The following DPYD variants were observed in gnomAD, a reference collection of about 807,000 sequenced individuals.
DPYD encodes the protein dihydropyrimidine dehydrogenase.
DPYD carries 109 observed loss-of-function variants against 116.2 expected under a neutral mutation model. That is an observed-to-expected ratio of 0.94 (90% confidence interval 0.80 to 1.10). DPYD has a LOEUF of 1.10. DPYD is among the 50% of genes least tolerant of loss of function. DPYD has a pLI of 0.00. For missense variants in DPYD, 1,302 were observed against 1,254.5 expected, an observed-to-expected ratio of 1.04 and a Z score of -0.57; for synonymous variants, 440 against 432.0, an observed-to-expected ratio of 1.02 and a Z score of -0.23.
At chr1:97,673,687 C>T (rs910622270) in intron 8 of DPYD, among the ~76,000 whole-genome samples, 1 of 151,876 alleles carries the variant, frequency 6.6e-6, no homozygotes, top group East Asian at 1.9e-4. Flanking sequence ...AGTAAAAAGT[C>T]CAGTCTGAAC....
intron 13 of DPYD, among the ~76,000 whole-genome samples, chr1:97,481,024 T>C (rs550715340): frequency 2.6e-4 from 40 of 152,146 alleles, no homozygotes; most frequent in African/African-American, 9.1e-4. Context: ...TGAAAGACAA[T>C]GTAATATGAA....
chr1:97,428,236 G>T (rs4350236), intron 14 of DPYD, among the ~76,000 whole-genome samples: 1,533 of 152,080 alleles, frequency 0.01, 19 homozygotes, highest in Non-Finnish European at 0.016. Context: ...GCCATGAAAG[G>T]CTCTAGTTCT....
intron 19 of DPYD, among the ~76,000 whole-genome samples, chr1:97,206,019 C>T (rs1195698220): frequency 6.6e-6 from 1 of 151,916 alleles, no homozygotes; most frequent in Non-Finnish European, 1.5e-5. Context: ...GCTCTGCTGT[C>T]CCACTGGACT....
Position 97,699,385 on chromosome 1 carries a change from T to C in DPYD, c.646A>G (p.Ile216Val), listed in dbSNP as rs778141885. ...CCAACATATTCTTGTTTTTCAAATA[T>C]AGTGATGTCAGAGTACCCCAATCGA... is the stretch of plus-strand genomic sequence containing the variant. ...LARLGYSDIT[I>V]FEKQEYVGGL... Residue 216 changes from isoleucine (I) to valine (V), a missense_variant, in exon 6 of 23, where the codon ATA (isoleucine) becomes GTA (valine). Coordinates refer to ENST00000370192, the MANE Select transcript of DPYD (RefSeq NM_000110.4). 4.3e-6 allele frequency: 7 copies of C among 1,613,600 alleles called. No individual in the cohort carries two copies. In the South Asian group the frequency reaches 4.4e-5, roughly 10 times the overall value.
At chr1:97,391,972 C>A (rs1349725808) in intron 14 of DPYD, among the ~76,000 whole-genome samples, 4 of 151,214 alleles carry the variant, frequency 2.6e-5, no homozygotes, top group African/African-American at 9.7e-5. Context: ...AAAATTGATA[C>A]AAAAAAAATA....
At chr1:97,229,802 G>T (rs1200636846) in intron 19 of DPYD, among the ~76,000 whole-genome samples, 3 of 151,758 alleles carry the variant, frequency 2.0e-5, no homozygotes, top group Non-Finnish European at 4.4e-5. Flanking sequence ...AAACCTATGT[G>T]TGAAACTTTA....
intron 3 of DPYD, among the ~76,000 whole-genome samples, chr1:97,744,085 C>T (rs1199054841): frequency 6.6e-6 from 1 of 151,690 alleles, no homozygotes; most frequent in Non-Finnish European, 1.5e-5. Context: ...AATACTTAAT[C>T]AATGTTAATT....
At chr1:97,574,662 G>A (rs1164779265) in intron 10 of DPYD, among the ~76,000 whole-genome samples, 1 of 151,928 alleles carries the variant, frequency 6.6e-6, no homozygotes, top group Admixed American at 6.6e-5. Context: ...TATGCATAAT[G>A]GAATGTTCAT....
chr1:97,348,094 A>T (rs1669950514), intron 16 of DPYD, among the ~76,000 whole-genome samples: 1 of 152,144 alleles, frequency 6.6e-6, no homozygotes, highest in African/African-American at 2.4e-5. Flanking sequence ...TGTCACAATT[A>T]AGGTTTTTGA....
intron 20 of DPYD, among the ~76,000 whole-genome samples, chr1:97,142,108 T>C (rs926591633): frequency 3.3e-5 from 5 of 152,170 alleles, no homozygotes; most frequent in African/African-American, 9.7e-5. Context: ...TTTATCCCCA[T>C]AGAATGCAGA....
At chr1:97,153,963 T>C (rs533192058) in intron 20 of DPYD, among the ~76,000 whole-genome samples, 1 of 130,098 alleles carries the variant, frequency 7.7e-6, no homozygotes, top group East Asian at 2.7e-4. Context: ...CCTGCAAGAA[T>C]GGCCATGATC....
At chr1:97,623,956 C>T (rs1418308289) in intron 8 of DPYD, among the ~76,000 whole-genome samples, 1 of 151,790 alleles carries the variant, frequency 6.6e-6, no homozygotes, top group African/African-American at 2.4e-5. Context: ...TTTGACCTTG[C>T]ACCATATAAA....
intron 3 of DPYD, among the ~76,000 whole-genome samples, chr1:97,794,929 T>G (rs1348005980): frequency 6.6e-6 from 1 of 152,190 alleles, no homozygotes; most frequent in Non-Finnish European, 1.5e-5. Flanking sequence ...TGTTAGTGAT[T>G]AGAATATATT....
rs1337727746 is a variant in DPYD, at chr1:97,218,009, C to G, written c.2442+16843G>C. The stretch of plus-strand genomic sequence containing the variant: ...GGTTTATAGAGGTTAAATAATTAGC[C>G]CAAATTTATCCAGCTAGTAAATGTT... On this transcript the variant is annotated intron_variant, in intron 19 of 22. Coordinates refer to ENST00000370192, the MANE Select transcript of DPYD (RefSeq NM_000110.4). Among the ~76,000 whole-genome samples, 4 of 151,996 alleles carry G rather than the reference C, an allele frequency of 2.6e-5. 1 individual carries two copies. The East Asian group carries it at 7.7e-4, about 29-fold the overall frequency.
intron 8 of DPYD, among the ~76,000 whole-genome samples, chr1:97,663,962 T>C (rs944304599): frequency 4.6e-5 from 7 of 152,186 alleles, no homozygotes; most frequent in African/African-American, 1.2e-4. Flanking sequence ...TGCTCTTATA[T>C]TGTGTTATAT....
At chr1:97,746,762 T>C (rs1470815478) in intron 3 of DPYD, among the ~76,000 whole-genome samples, 1 of 152,072 alleles carries the variant, frequency 6.6e-6, no homozygotes, top group Non-Finnish European at 1.5e-5. Context: ...AGAGCCCATA[T>C]GAAGAAAGTA....
chr1:97,451,733 A>C (rs1398181793), intron 13 of DPYD, among the ~76,000 whole-genome samples: 1 of 152,158 alleles, frequency 6.6e-6, no homozygotes, highest in Non-Finnish European at 1.5e-5. Flanking sequence ...AAGCTCATCC[A>C]GTGGGTACTC....
intron 3 of DPYD, among the ~76,000 whole-genome samples, chr1:97,753,573 A>G (rs1186315725): frequency 6.6e-6 from 1 of 152,168 alleles, no homozygotes; most frequent in African/African-American, 2.4e-5. Context: ...CAAGCATAAC[A>G]TAGTCATTAC....
intron 8 of DPYD, among the ~76,000 whole-genome samples, chr1:97,606,606 C>A (rs147884710): frequency 2.0e-5 from 3 of 151,756 alleles, no homozygotes; most frequent in East Asian, 1.9e-4. Flanking sequence ...AAGCAAAATG[C>A]GAAATTTGAC....
Sources: allele counts gnomAD v4.1 joint callset (sites outside exome capture counted in the v4.1 genomes callset), GRCh38; gene constraint gnomAD v4.1.1; transcripts MANE v1.5; gene names NCBI Gene and HGNC (gene_info 2026-07-23, HGNC 2026-07-21).